SMYD3: variants seen among roughly 807,000 people sequenced by gnomAD.
SMYD3 encodes histone-lysine N-methyltransferase SMYD3.
In SMYD3, 36 loss-of-function variants were observed where a neutral mutation model predicts 57.7. That is an observed-to-expected ratio of 0.62 (90% confidence interval 0.48 to 0.82). The LOEUF (loss-of-function observed/expected upper bound fraction) is 0.82, where lower values mean the gene tolerates loss of function less well. Among genes scored for constraint, SMYD3 ranks in the 40% least tolerant of loss-of-function variants. The probability of loss-of-function intolerance (pLI) is 0.00; values close to 1 mark genes in which losing one functional copy is unlikely to be tolerated. For synonymous variants in SMYD3, 211 were observed against 195.0 expected (o/e 1.08, Z -0.68); for missense variants, 515 against 538.8 (o/e 0.96, Z 0.44).
chr1:245,904,749 G>C (rs574911330), intron 8 of SMYD3, among the ~76,000 whole-genome samples: 3 of 152,044 alleles, frequency 2.0e-5, no homozygotes, highest in Non-Finnish European at 4.4e-5. Flanking sequence ...GACATACTGA[G>C]GCACCAGCTG....
At chr1:246,372,836 T>C (rs2066214259) in intron 1 of SMYD3, among the ~76,000 whole-genome samples, 1 of 152,146 alleles carries the variant, frequency 6.6e-6, no homozygotes, top group Admixed American at 6.6e-5. Flanking sequence ...TATAAGAACA[T>C]TTCATTTTCC....
chr1:245,757,538 C>G (rs1388640889), intron 11 of SMYD3, among the ~76,000 whole-genome samples: 1 of 152,100 alleles, frequency 6.6e-6, no homozygotes, highest in Non-Finnish European at 1.5e-5. Context: ...ATGTGTTCTT[C>G]TAAGAGTCTA....
intron 10 of SMYD3, among the ~76,000 whole-genome samples, chr1:245,854,645 C>G (rs748579573): frequency 6.6e-6 from 1 of 152,068 alleles, no homozygotes; most frequent in Non-Finnish European, 1.5e-5. Context: ...TTTGGCTTGG[C>G]TTCCCTTCCT....
In SMYD3 at chr1:246,355,422, A is replaced by T. The variant is rs1016204151; in HGVS notation, c.165-328T>A. 1 of 255,630 alleles carries T rather than the reference A, an allele frequency of 3.9e-6. No individual in the cohort carries two copies. The highest frequency in any genetic ancestry group is 2.3e-5 in the African/African-American group (1 of 44,190). The allele number at this position is 255,630 out of a possible 1,614,324, so 15.8% of individuals were successfully genotyped here. On this transcript the variant is annotated intron_variant, in intron 1 of 11. Coordinates refer to ENST00000490107, the MANE Select transcript of SMYD3 (RefSeq NM_001167740.2). This position sits in a 1 kb window ranked among gnomAD's most constrained non-coding sequence, Gnocchi z 5.0. The stretch of plus-strand genomic sequence containing the variant: ...GATCCAACAACTGCCACAGCAACAT[A>T]CCAGGTAAACTAAGAGAATCCACAG...
At chr1:245,778,887 T>C (rs1181127105) in intron 10 of SMYD3, among the ~76,000 whole-genome samples, 1 of 152,070 alleles carries the variant, frequency 6.6e-6, no homozygotes. Context: ...AGGCCTGGCG[T>C]GGTGGCTCAC....
intron 5 of SMYD3, among the ~76,000 whole-genome samples, chr1:246,059,339 AG>A (rs111400512): frequency 0.076 from 11,473 of 150,596 alleles, 496 homozygotes; most frequent in African/African-American, 0.12. Context: ...ATTTACCTAG[AG>A]AAAAAAAAAA....
intron 5 of SMYD3, chr1:246,035,405 G>A (rs897308375): frequency 9.2e-5 from 14 of 152,184 alleles, no homozygotes; most frequent in African/African-American, 3.1e-4. Context: ...CGAAAGGAAG[G>A]AGGGTCACAG....
chr1:246,390,522 C>T (rs1005143717), intron 1 of SMYD3, among the ~76,000 whole-genome samples: 2 of 152,044 alleles, frequency 1.3e-5, no homozygotes, highest in Non-Finnish European at 1.5e-5. Context: ...AAGATTCATC[C>T]TGTAATCCTT....
At position 246,261,683 on chromosome 1, in the gene SMYD3, C is replaced by CA. The variant is rs201450801; in HGVS notation, c.531+65517dup. On this transcript the variant is annotated intron_variant, in intron 5 of 11. Coordinates refer to ENST00000490107, the MANE Select transcript of SMYD3 (RefSeq NM_001167740.2). ...ACACTGCTTTGTTTCTATTATACTT[C>CA]AAAAAAAAACAGTAATAAGAATTTA... Among the ~76,000 whole-genome samples the CA allele has an allele frequency of 5.0e-3, 688 of 138,442 alleles. 2 individuals are homozygous for CA. The highest frequency in any genetic ancestry group is 6.1e-3 in the Non-Finnish European group (403 of 65,682). 90.8% of individuals were successfully genotyped at this position (138,442 alleles called of 152,430 possible).
At chr1:246,048,720 A>G (rs2060011681) in intron 5 of SMYD3, among the ~76,000 whole-genome samples, 1 of 152,048 alleles carries the variant, frequency 6.6e-6, no homozygotes, top group Non-Finnish European at 1.5e-5. Flanking sequence ...GCAAACAGGG[A>G]GAATGATAGC....
chr1:246,156,892 A>G (rs768199724), intron 5 of SMYD3, among the ~76,000 whole-genome samples: 2 of 152,164 alleles, frequency 1.3e-5, no homozygotes, highest in Non-Finnish European at 2.9e-5. Flanking sequence ...TTGCTGAATC[A>G]TGGAGGTGGG....
chr1:246,459,393 T>G (rs974147152), intron 1 of SMYD3, among the ~76,000 whole-genome samples: 2 of 152,142 alleles, frequency 1.3e-5, no homozygotes, highest in Non-Finnish European at 2.9e-5. Context: ...TCTGCTGTTC[T>G]CCTGACAGAG....
chr1:246,039,873 C>G (rs1315392604), intron 5 of SMYD3, among the ~76,000 whole-genome samples: 3 of 152,140 alleles, frequency 2.0e-5, no homozygotes, highest in Non-Finnish European at 2.9e-5. Flanking sequence ...CAATAGTTCT[C>G]AACATCTTGC....
At chr1:246,335,019 C>T (rs2065518645) in intron 3 of SMYD3, among the ~76,000 whole-genome samples, 1 of 152,132 alleles carries the variant, frequency 6.6e-6, no homozygotes, top group South Asian at 2.1e-4. Flanking sequence ...CAGCAACCAC[C>T]ACTTGATTAG....
chr1:245,799,530 G>C (rs536917674), intron 10 of SMYD3, among the ~76,000 whole-genome samples: 1 of 152,200 alleles, frequency 6.6e-6, no homozygotes, highest in African/African-American at 2.4e-5. Context: ...ATGACAAGAA[G>C]TAAATTTAGT....
intron 5 of SMYD3, among the ~76,000 whole-genome samples, chr1:245,973,773 G>A (rs577745069): frequency 3.3e-5 from 5 of 152,224 alleles, no homozygotes; most frequent in East Asian, 1.9e-4. Context: ...TCTTTTGATC[G>A]GCACGAGGAA....
At chr1:246,269,934 T>A (rs770108624) in intron 5 of SMYD3, among the ~76,000 whole-genome samples, 1 of 152,170 alleles carries the variant, frequency 6.6e-6, no homozygotes, top group Non-Finnish European at 1.5e-5. Flanking sequence ...ACCATGTTGG[T>A]TCCTGAAGAA....
rs371804147 is a variant in SMYD3, at chr1:246,289,469, C to G, written c.531+37732G>C. On this transcript the variant is annotated intron_variant, in intron 5 of 11. Transcript: ENST00000490107. ...GATCAGTTCCTTCAGTACTCTGGAC[C>G]TGCATTAACTCTGCCTGGTTTCCTC... Among the ~76,000 whole-genome samples, 10 of 152,322 alleles carry G rather than the reference C, an allele frequency of 6.6e-5. No individual in the cohort carries two copies. In the East Asian group the frequency reaches 9.6e-4, roughly 15 times the overall value.
chr1:246,348,214 G>A (rs1031143740), intron 2 of SMYD3, among the ~76,000 whole-genome samples: 7 of 151,556 alleles, frequency 4.6e-5, no homozygotes, highest in East Asian at 1.9e-4. Flanking sequence ...TCAGCAGTTC[G>A]AGACCAGCCT....
Sources: gnomAD v4.1 joint callset for allele counts (sites outside exome capture counted in the v4.1 genomes callset) on GRCh38, gnomAD v4.1.1 for gene constraint, Gnocchi (gnomAD v3.1) non-coding constraint, MANE v1.5 for transcripts, NCBI Gene and HGNC (gene_info 2026-07-23, HGNC 2026-07-21) for gene names.